Variants in CPNE5 observed in about 807,000 individuals in gnomAD.
The protein encoded by CPNE5 is copine-5.
A neutral mutation model predicts 81.1 loss-of-function variants in CPNE5; 42 were observed. The ratio of observed to expected loss-of-function variants is 0.52; its 90% confidence interval spans 0.40 to 0.67. The LOEUF (loss-of-function observed/expected upper bound fraction) is 0.67. Ranked by LOEUF, CPNE5 falls within the 30% of genes least tolerant of loss-of-function variation. The pLI is 0.00. For missense variants in CPNE5, 612 were observed against 815.5 expected (o/e 0.75, Z 3.04); for synonymous variants, 313 against 321.5 (o/e 0.97, Z 0.28).
At chr6:36,798,586 C>T in intron 4 of CPNE5, 92 bp from the exon 5 acceptor site, 2 of 1,115,332 alleles carry the variant, frequency 1.8e-6, no homozygotes, top group Non-Finnish European at 2.7e-6. Context: ...CCCCTGTCCC[C>T]CAAAAAACAG....
At chr6:36,762,650 C>G (rs373158502) in intron 12 of CPNE5, among the ~76,000 whole-genome samples, 2 of 152,160 alleles carry the variant, frequency 1.3e-5, no homozygotes. Context: ...GAGAACTGCT[C>G]TTTATGGGGA....
chr6:36,787,772 C>T (rs955493810), intron 8 of CPNE5, among the ~76,000 whole-genome samples: 2 of 152,264 alleles, frequency 1.3e-5, no homozygotes, highest in Non-Finnish European at 2.9e-5. Context: ...ACTCCCTTTG[C>T]AGGAGAGAGA....
intron 6 of CPNE5, 111 bp downstream of exon 6, chr6:36,798,054 C>A: frequency 1.3e-6 from 1 of 769,292 alleles, no homozygotes; most frequent in Non-Finnish European, 2.2e-6. Flanking sequence ...CCTAATAACC[C>A]TGCAGATGCC....
At chr6:36,820,050 C>T (rs111677040) in intron 3 of CPNE5, among the ~76,000 whole-genome samples, 6 of 152,356 alleles carry the variant, frequency 3.9e-5, no homozygotes, top group African/African-American at 7.2e-5. Flanking sequence ...ATTCCTCCCT[C>T]GACCCCTGAC....
intron 14 of CPNE5, among the ~76,000 whole-genome samples, chr6:36,751,954 G>T (rs1472409679): frequency 1.3e-5 from 2 of 152,098 alleles, no homozygotes; most frequent in East Asian, 3.9e-4. Flanking sequence ...CAAAGGCGGG[G>T]TCTGGAGTCA....
At chr6:36,757,806 C>T (rs923682384) in intron 12 of CPNE5, among the ~76,000 whole-genome samples, 1 of 152,270 alleles carries the variant, frequency 6.6e-6, no homozygotes, top group Middle Eastern at 3.4e-3. Flanking sequence ...CACAGGAAGG[C>T]TCTGGGCACG....
At chr6:36,761,185 G>T (rs405130) in intron 12 of CPNE5, among the ~76,000 whole-genome samples, 1 of 152,152 alleles carries the variant, frequency 6.6e-6, no homozygotes, top group African/African-American at 2.4e-5. Context: ...GCCAGAGAAT[G>T]GTGGCATCTG....
intron 1 of CPNE5, among the ~76,000 whole-genome samples, chr6:36,834,196 C>A (rs1583059080): frequency 7.6e-6 from 1 of 131,316 alleles, no homozygotes; most frequent in Non-Finnish European, 1.6e-5. Context: ...GAGTTGGAGG[C>A]TGCATTGAGC....
chr6:36,744,759 C>T (rs1763942208), intron 18 of CPNE5, among the ~76,000 whole-genome samples: 1 of 152,246 alleles, frequency 6.6e-6, no homozygotes. Context: ...AGGGAGTAGA[C>T]CAGAGCGTGA....
In CPNE5 at chr6:36,823,567, T is replaced by C. The variant is rs530680440; in HGVS notation, c.96-469A>G. Among the ~76,000 whole-genome samples the C allele has an allele frequency of 1.2e-3, 188 of 152,318 alleles. 2 individuals are homozygous for C. The highest frequency in any genetic ancestry group is 5.9e-3 in the Admixed American group (91 of 15,306). ...TATTCGATGGTCTCATCTGTACTGA[T>C]AGATTAATGAATTACACCTCCCAGG... is the stretch of plus-strand genomic sequence containing the variant. On this transcript the variant is annotated intron_variant, in intron 1 of 20. Transcript: ENST00000244751.
At chr6:36,805,114 C>T (rs577005750) in intron 3 of CPNE5, among the ~76,000 whole-genome samples, 6 of 151,960 alleles carry the variant, frequency 3.9e-5, no homozygotes, top group South Asian at 2.1e-4. Context: ...ACTGAAGAGA[C>T]GTTGAAAAAA....
Position 36,838,721 on chromosome 6 carries a change from C to T in CPNE5, c.95+562G>A, listed in dbSNP as rs1773753317. On this transcript the variant is annotated intron_variant, in intron 1 of 20. Transcript: ENST00000244751. ...CTTAGTATGAATGAGTCAATCTGAT[C>T]CTTTTCCAGGAGTCGATTTCGTTGT... is the stretch of plus-strand genomic sequence containing the variant. The T allele has an allele frequency of 6.2e-6, 6 of 973,012 alleles. No homozygotes were observed. In the South Asian group the frequency reaches 2.9e-4, roughly 46 times the overall value. The allele number at this position is 973,012 out of a possible 1,614,324, so 60.3% of individuals were successfully genotyped here.
Position 36,797,082 on chromosome 6 carries a change from T to C in CPNE5, c.404+1083A>G, listed in dbSNP as rs1400586046. On this transcript the variant is annotated intron_variant, in intron 6 of 20. Coordinates refer to ENST00000244751, the MANE Select transcript of CPNE5 (RefSeq NM_020939.2). Reference sequence around the variant, plus strand: ...ACCACACCCAGCTAATTTTTTTGTATTTTTAGTAGAGACAGGGTTGCACCA... The same window carrying C: ...ACCACACCCAGCTAATTTTTTTGTACTTTTAGTAGAGACAGGGTTGCACCA... Among the ~76,000 whole-genome samples, 3 of 152,202 alleles carry C rather than the reference T, an allele frequency of 2.0e-5. No homozygotes were observed. The East Asian group carries it at 5.8e-4, about 29-fold the overall frequency.
chr6:36,819,683 G>C (rs1771870349), intron 3 of CPNE5, among the ~76,000 whole-genome samples: 1 of 152,176 alleles, frequency 6.6e-6, no homozygotes, highest in South Asian at 2.1e-4. Flanking sequence ...GTCATTTTGT[G>C]CACTGTCCCC....
intron 13 of CPNE5, chr6:36,754,323 T>C (rs1765176767): frequency 1.3e-5 from 2 of 151,720 alleles, no homozygotes; most frequent in African/African-American, 4.8e-5. Context: ...GCCCTGACCA[T>C]ATGGGTTCAC....
intron 3 of CPNE5, among the ~76,000 whole-genome samples, chr6:36,817,907 C>T (rs1295780613): frequency 1.3e-5 from 2 of 152,168 alleles, no homozygotes; most frequent in Non-Finnish European, 2.9e-5. Flanking sequence ...ATGGCTCCCT[C>T]CTATTGCTAC....
chr6:36,775,211 T>C, intron 9 of CPNE5, 146 bp from the exon 10 acceptor site: 2 of 649,994 alleles, frequency 3.1e-6, no homozygotes, highest in Non-Finnish European at 5.5e-6. Context: ...TGCCCATCAC[T>C]GACAGCAGCC....
At chr6:36,806,865 CT>C (rs1770643205) in intron 3 of CPNE5, among the ~76,000 whole-genome samples, 1 of 152,244 alleles carries the variant, frequency 6.6e-6, no homozygotes, top group African/African-American at 2.4e-5. Flanking sequence ...CTCAGCACTG[CT>C]GTCCCACTTA....
chr6:36,787,288 C>G (rs1176258950), intron 8 of CPNE5, among the ~76,000 whole-genome samples: 1 of 152,094 alleles, frequency 6.6e-6, no homozygotes, highest in African/African-American at 2.4e-5. Flanking sequence ...GGGATCCAGG[C>G]TGCTAAGTTC....
Sources: allele counts gnomAD v4.1 joint callset (sites outside exome capture counted in the v4.1 genomes callset), GRCh38; gene constraint gnomAD v4.1.1; transcripts MANE v1.5; gene names NCBI Gene and HGNC (gene_info 2026-07-23, HGNC 2026-07-21).